The following FABP12 variants were observed in gnomAD, a reference collection of about 807,000 sequenced individuals.
FABP12 encodes fatty acid-binding protein 12.
In FABP12, 19 loss-of-function variants were observed where a neutral mutation model predicts 13.7. The observed-to-expected ratio is 1.39, with a 90% CI of 0.97 to 2.04. FABP12 has a LOEUF of 2.04. FABP12 is among the 30% of genes most tolerant of loss of function. The probability of loss-of-function intolerance (pLI) is 0.00; values close to 1 mark genes in which losing one functional copy is unlikely to be tolerated. For missense variants in FABP12, 182 were observed against 164.2 expected (o/e 1.11, Z -0.59); for synonymous variants, 61 against 57.0 (o/e 1.07, Z -0.32).
chr8:81,549,905 C>T (rs939082361), intron 1 of FABP12, among the ~76,000 whole-genome samples: 1 of 152,056 alleles, frequency 6.6e-6, no homozygotes, highest in Admixed American at 6.6e-5. Context: ...ATCTTTTGTC[C>T]CCAGTGCCAC....
intron 1 of FABP12, among the ~76,000 whole-genome samples, chr8:81,544,149 G>A (rs1375138428): frequency 6.6e-6 from 1 of 152,142 alleles, no homozygotes; most frequent in Non-Finnish European, 1.5e-5. Flanking sequence ...AACAAATAAT[G>A]GAGGCAACTG....
exon 3 of FABP12, chr8:81,529,477 T>C (rs753225017): frequency 1.2e-6 from 2 of 1,613,992 alleles, no homozygotes; most frequent in Non-Finnish European, 1.7e-6. Flanking sequence ...CCTCAAACTC[T>C]TCTCCCAGCT....
chr8:81,561,163 A>G (rs1809718619), intron 1 of FABP12, among the ~76,000 whole-genome samples: 1 of 152,128 alleles, frequency 6.6e-6, no homozygotes. Context: ...GAGCTCGGGC[A>G]AGTCCTAATT....
chr8:81,576,183 T>C (rs1053872825), intron 1 of FABP12, among the ~76,000 whole-genome samples: 2 of 152,158 alleles, frequency 1.3e-5, no homozygotes, highest in Admixed American at 6.5e-5. Context: ...TTGAATGATA[T>C]AACGATAGTG....
intron 1 of FABP12, among the ~76,000 whole-genome samples, chr8:81,555,934 G>A (rs1809606647): frequency 6.6e-6 from 1 of 152,048 alleles, no homozygotes; most frequent in Non-Finnish European, 1.5e-5. Context: ...AAAATTGCTA[G>A]AATGAATTCA....
intron 1 of FABP12, among the ~76,000 whole-genome samples, chr8:81,559,025 C>T (rs1271473248): frequency 6.6e-6 from 1 of 152,086 alleles, no homozygotes; most frequent in African/African-American, 2.4e-5. Flanking sequence ...ACACACTACA[C>T]TCAGCCAAAC....
chr8:81,526,240 G>A (rs1336036651), intron 4 of FABP12: 1 of 152,126 alleles, frequency 6.6e-6, no homozygotes, highest in African/African-American at 2.4e-5. Flanking sequence ...TTTATATTAT[G>A]TAGAAAGTTA....
chr8:81,541,595 T>C (rs1809344239), intron 1 of FABP12, among the ~76,000 whole-genome samples: 1 of 152,158 alleles, frequency 6.6e-6, no homozygotes, highest in African/African-American at 2.4e-5. Context: ...CAAGGTTTTT[T>C]CTTTTTTAAC....
intron 1 of FABP12, among the ~76,000 whole-genome samples, chr8:81,543,407 A>G (rs1389699451): frequency 6.6e-6 from 1 of 152,220 alleles, no homozygotes; most frequent in Non-Finnish European, 1.5e-5. Context: ...CTGGAAAGGA[A>G]CACAAGGTGG....
intron 1 of FABP12, among the ~76,000 whole-genome samples, chr8:81,581,653 T>C (rs1810165994): frequency 6.6e-6 from 1 of 152,072 alleles, no homozygotes; most frequent in Non-Finnish European, 1.5e-5. Flanking sequence ...CTTTACAAGA[T>C]TGGAAAGAAT....
At chr8:81,541,910 TAAAAAAAA>T (rs1167487132) in intron 1 of FABP12, among the ~76,000 whole-genome samples, 9 of 71,152 alleles carry the variant, frequency 1.3e-4, no homozygotes, top group South Asian at 5.5e-4. Context: ...TCCCAGGGTT[TAAAAAAAA>T]AAAAAAAAAA....
chr8:81,568,778 A>G (rs537835071), intron 1 of FABP12, among the ~76,000 whole-genome samples: 2 of 152,350 alleles, frequency 1.3e-5, no homozygotes, highest in African/African-American at 2.4e-5. Context: ...ACATATACAC[A>G]ATGGAATACT....
chr8:81,551,886 C>T (rs917980038), intron 1 of FABP12, among the ~76,000 whole-genome samples: 6 of 152,092 alleles, frequency 3.9e-5, no homozygotes, highest in Admixed American at 3.3e-4. Context: ...TTCATTCATT[C>T]ATTCATGTAT....
chr8:81,582,545 C>A (rs1810181309), intron 1 of FABP12, among the ~76,000 whole-genome samples: 1 of 151,596 alleles, frequency 6.6e-6, no homozygotes, highest in African/African-American at 2.4e-5. Context: ...CACAAGCAAG[C>A]AGAAGTAGCT....
chr8:81,578,851 G>A (rs1388060316), intron 1 of FABP12, among the ~76,000 whole-genome samples: 1 of 86,836 alleles, frequency 1.2e-5, no homozygotes, highest in African/African-American at 6.7e-5. Flanking sequence ...TTGAGAAGGA[G>A]TCTCGCTCTG....
intron 3 of FABP12, 64 bp downstream of exon 3, chr8:81,529,374 A>G (rs1402038892): frequency 6.6e-7 from 1 of 1,511,734 alleles, no homozygotes; most frequent in Non-Finnish European, 9.2e-7. Flanking sequence ...TTGCTTACTT[A>G]CCGAGGATGA....
intron 1 of FABP12, among the ~76,000 whole-genome samples, chr8:81,589,140 G>C (rs77227532): frequency 0.019 from 2,923 of 152,274 alleles, 67 homozygotes; most frequent in African/African-American, 0.057. Flanking sequence ...AAATCATGCC[G>C]CCTTCCCGAA....
intron 1 of FABP12, among the ~76,000 whole-genome samples, chr8:81,560,607 A>G (rs1386296961): frequency 6.6e-6 from 1 of 152,182 alleles, no homozygotes. Context: ...TAGACCATAC[A>G]TGCAATTTAC....
intron 1 of FABP12, among the ~76,000 whole-genome samples, chr8:81,548,842 A>G (rs889803651): frequency 6.6e-6 from 1 of 152,192 alleles, no homozygotes; most frequent in Admixed American, 6.5e-5. Flanking sequence ...ATTTAGATAG[A>G]AGATGTGATG....
Sources: gnomAD v4.1 joint callset for allele counts (sites outside exome capture counted in the v4.1 genomes callset) on GRCh38, gnomAD v4.1.1 for gene constraint, MANE v1.5 for transcripts, NCBI Gene and HGNC (gene_info 2026-07-23, HGNC 2026-07-21) for gene names.